FIGNL2: variants seen among roughly 807,000 people sequenced by gnomAD.
FIGNL2 encodes the protein fidgetin like 2, also known as fidgetin-like protein 2.
For synonymous variants in FIGNL2, 565 were observed against 484.0 expected (o/e 1.17, Z -2.20); for missense variants, 1,060 against 950.2 (o/e 1.12, Z -1.52).
Position 51,820,069 on chromosome 12 carries a change from G to T in FIGNL2, c.*383C>A. ...GGAGAGAAAACCAAGAGAATGCAGA[G>T]AATGGGATGGAGAGAGTGAGGGAGA... On this transcript the variant is annotated 3_prime_UTR_variant, in exon 2 of 2. Transcript: ENST00000618634. 8.5e-6 allele frequency: 2 copies of T among 235,544 alleles called. No individual in the cohort carries two copies. The highest frequency in any genetic ancestry group is 1.7e-5 in the Non-Finnish European group (2 of 120,700). The allele number at this position is 235,544 out of a possible 1,614,324, so 14.6% of individuals were successfully genotyped here.
At chr12:51,842,925 A>G (rs1019470833) in intron 1 of FIGNL2, among the ~76,000 whole-genome samples, 4 of 152,244 alleles carry the variant, frequency 2.6e-5, no homozygotes, top group Admixed American at 6.5e-5. Context: ...CACATCAGAA[A>G]ATAATGGTTG....
At chr12:51,825,638 A>G (rs1482110217) in intron 1 of FIGNL2, among the ~76,000 whole-genome samples, 3 of 142,178 alleles carry the variant, frequency 2.1e-5, no homozygotes, top group Non-Finnish European at 1.5e-5. Context: ...TTTTTTTGAG[A>G]CGGAGTCTCG....
At chr12:51,825,002 C>T (rs969902605) in intron 1 of FIGNL2, among the ~76,000 whole-genome samples, 1 of 152,070 alleles carries the variant, frequency 6.6e-6, no homozygotes. Context: ...CGAGGTGGCA[C>T]CACTGCACTC....
chr12:51,839,785 G>A (rs750740296), intron 1 of FIGNL2, among the ~76,000 whole-genome samples: 4 of 151,964 alleles, frequency 2.6e-5, no homozygotes, highest in African/African-American at 4.8e-5. Context: ...CATTCCCTCC[G>A]CTGCTCAGCC....
chr12:51,823,578 G>C (rs959702140), intron 1 of FIGNL2: 1 of 152,232 alleles, frequency 6.6e-6, no homozygotes, highest in African/African-American at 2.4e-5. Context: ...CTGGTAAGGG[G>C]ATCTGGGGCT....
At position 51,848,594 on chromosome 12, in the gene FIGNL2, G is replaced by A. The variant is rs1401249593; in HGVS notation, c.-66C>T. 3.1e-6 allele frequency: 3 copies of A among 960,214 alleles called. No individual in the cohort carries two copies. The highest frequency in any genetic ancestry group is 1.2e-4 in the Admixed American group (2 of 16,178). 59.5% of individuals were successfully genotyped at this position (960,214 alleles called of 1,614,324 possible). On this transcript the variant is annotated 5_prime_UTR_variant, in exon 1 of 2. Transcript: ENST00000618634. Reference sequence around the variant, plus strand: ...TGTGCGCGGCCTGGGGGCGCGTCCGGCCCGGGGACCGGGGCGGCGGCGCGG... The same window carrying A: ...TGTGCGCGGCCTGGGGGCGCGTCCGACCCGGGGACCGGGGCGGCGGCGCGG...
chr12:51,826,289 A>G (rs1939341349), intron 1 of FIGNL2, among the ~76,000 whole-genome samples: 1 of 151,954 alleles, frequency 6.6e-6, no homozygotes, highest in African/African-American at 2.4e-5. Context: ...TTAAGGCATC[A>G]TTGTCTACAT....
intron 1 of FIGNL2, among the ~76,000 whole-genome samples, chr12:51,834,854 C>T (rs1203805915): frequency 1.3e-5 from 2 of 152,218 alleles, no homozygotes; most frequent in East Asian, 1.9e-4. Context: ...CAAAGAACTT[C>T]ATAGTTATCC....
At chr12:51,847,686 G>T in intron 1 of FIGNL2, 1 of 985,428 alleles carries the variant, frequency 1.0e-6, no homozygotes, top group African/African-American at 1.7e-5. Flanking sequence ...AGGGGGACCA[G>T]CGGGGCTGGG....
chr12:51,822,141 G>A lies in FIGNL2; in HGVS notation c.273C>T (p.Gly91=), dbSNP rs748326437. 1.9e-6 allele frequency: 3 copies of A among 1,611,140 alleles called. No homozygotes were observed. The highest frequency in any genetic ancestry group is 2.2e-5 in the East Asian group (1 of 44,728). Residue 91 remains glycine, a synonymous_variant, in exon 2 of 2, where the codon GGC becomes GGT. Transcript: ENST00000618634. ...GGYSDASFLN[G]AKGDPEPWPG... is the part of the protein sequence containing the mutation. ...GCCAGGGCTCGGGATCCCCTTTGGC[G>A]CCGTTGAGGAAGGAGGCGTCGCTGT...
chr12:51,845,392 G>C (rs768937061), intron 1 of FIGNL2: 14 of 886,576 alleles, frequency 1.6e-5, no homozygotes, highest in Non-Finnish European at 1.9e-5. Context: ...TCCCAAAAGG[G>C]GGCAGGACCA....
chr12:51,821,172 C>G lies in FIGNL2; in HGVS notation c.1242G>C (p.Arg414Ser). 1 of 1,491,582 alleles carries G rather than the reference C, an allele frequency of 6.7e-7. No homozygotes were observed. Among genetic ancestry groups the G allele is most frequent in the Admixed American group, 2.3e-5 (1 of 43,976 alleles). 92.4% of individuals were successfully genotyped at this position (1,491,582 alleles called of 1,614,324 possible). ...GCAGGCTGCCCGGGTAGGCGGGCGGCCTGAGCAGGGGCCACACCAGCTCCT... is the reference window on the plus strand; with the variant it reads ...GCAGGCTGCCCGGGTAGGCGGGCGGGCTGAGCAGGGGCCACACCAGCTCCT... ...LEEELVWPLL[R>S]PPAYPGSLRP... Residue 414 changes from arginine to serine, a missense_variant, in exon 2 of 2, where the codon AGG becomes AGC. By Grantham distance (110) the Arg-to-Ser change is moderately radical. Transcript: ENST00000618634.
Position 51,821,059 on chromosome 12 carries a change from G to C in FIGNL2, c.1355C>G (p.Thr452Arg), listed in dbSNP as rs1460331882. Residue 452 changes from threonine (T) to arginine (R), a missense_variant, in exon 2 of 2, where the codon ACG (threonine) becomes AGG (arginine). Coordinates refer to ENST00000618634, the MANE Select transcript of FIGNL2 (RefSeq NM_001384995.1). ...GGTCGCGCCGCGCAGGCGCAACAGCGTGGCGCCCAGCTGCGTGGCGAGGCA... is the reference window on the plus strand; with the variant it reads ...GGTCGCGCCGCGCAGGCGCAACAGCCTGGCGCCCAGCTGCGTGGCGAGGCA... ...GRCLATQLGA[T>R]LLRLRGATLA... is the part of the protein sequence containing the mutation. 8 of 1,241,444 alleles carry C rather than the reference G, an allele frequency of 6.4e-6. No individual in the cohort carries two copies. The South Asian group carries it at 2.5e-4, about 39-fold the overall frequency. 76.9% of individuals were successfully genotyped at this position (1,241,444 alleles called of 1,614,324 possible).
intron 1 of FIGNL2, among the ~76,000 whole-genome samples, chr12:51,825,563 A>G: frequency 6.7e-6 from 1 of 149,014 alleles, no homozygotes. Context: ...AGTCTCCTCT[A>G]CTCCACAGCT....
chr12:51,820,375 TAGTC>T lies in FIGNL2; in HGVS notation c.*73_*76del. The T allele has an allele frequency of 6.6e-7, 1 of 1,525,536 alleles. No homozygotes were observed. The highest frequency in any genetic ancestry group is 8.8e-7 in the Non-Finnish European group (1 of 1,141,868). 94.5% of individuals were successfully genotyped at this position (1,525,536 alleles called of 1,614,324 possible). ...CACTCCAGCCCCTGCCAGCCGGGTT[TAGTC>T]AGTGACATCCCTCCCACGCGGAGGC... is the stretch of plus-strand genomic sequence containing the variant. On this transcript the variant is annotated 3_prime_UTR_variant, in exon 2 of 2. Coordinates refer to ENST00000618634, the MANE Select transcript of FIGNL2 (RefSeq NM_001384995.1).
Position 51,820,668 on chromosome 12 carries a change from T to C in FIGNL2, c.1746A>G (p.Glu582=). 1 of 1,513,910 alleles carries C rather than the reference T, an allele frequency of 6.6e-7. No individual in the cohort carries two copies. The highest frequency in any genetic ancestry group is 8.8e-7 in the Non-Finnish European group (1 of 1,138,700). 93.8% of individuals were successfully genotyped at this position (1,513,910 alleles called of 1,614,324 possible). A position where few individuals can be genotyped will look rare whatever the true frequency, so the allele number is the denominator to read the frequency against. ...AQQGCALSER[E]LAALVQGTQG... ...GCGTGCCCTGCACCAGCGCCGCCAGTTCCCGCTCACTGAGCGCGCAGCCCT... is the reference window on the plus strand; with the variant it reads ...GCGTGCCCTGCACCAGCGCCGCCAGCTCCCGCTCACTGAGCGCGCAGCCCT... The change falls in exon 2 of 2, where the codon GAA becomes GAG. Residue 582 remains glutamate, a synonymous_variant. Coordinates refer to ENST00000618634, the MANE Select transcript of FIGNL2 (RefSeq NM_001384995.1).
In FIGNL2 at chr12:51,848,101, G is replaced by C. The variant is rs536613575; in HGVS notation, c.-12+439C>G. 2.0e-5 allele frequency: 20 copies of C among 982,340 alleles called. 1 individual carries two copies. The South Asian group carries it at 9.4e-4, about 46-fold the overall frequency. 60.9% of individuals were successfully genotyped at this position (982,340 alleles called of 1,614,324 possible). A position where few individuals can be genotyped will look rare whatever the true frequency, so the allele number is the denominator to read the frequency against. On this transcript the variant is annotated intron_variant, in intron 1 of 1. Transcript: ENST00000618634. ...ACCCCTCCCACACACACACACAGGG[G>C]CCGCTGGACAAAGACCTGACGGAGT... is the stretch of plus-strand genomic sequence containing the variant.
At chr12:51,831,497 AG>A (rs1396933680) in intron 1 of FIGNL2, among the ~76,000 whole-genome samples, 2 of 152,226 alleles carry the variant, frequency 1.3e-5, no homozygotes, top group Non-Finnish European at 2.9e-5. Context: ...CTGGAGGCCA[AG>A]TGGGGACCTG....
chr12:51,845,878 G>C (rs1939740572), intron 1 of FIGNL2, among the ~76,000 whole-genome samples: 1 of 151,786 alleles, frequency 6.6e-6, no homozygotes, highest in African/African-American at 2.4e-5. Context: ...GATAATGGCA[G>C]GGAAAGAATG....
Sources: allele counts gnomAD v4.1 joint callset (sites outside exome capture counted in the v4.1 genomes callset), GRCh38; gene constraint gnomAD v4.1.1; transcripts MANE v1.5; gene names NCBI Gene and HGNC (gene_info 2026-07-23, HGNC 2026-07-21).